DDB1: variants seen among roughly 807,000 people sequenced by gnomAD.
DDB1 encodes DNA damage-binding protein 1.
DDB1 carries 18 observed loss-of-function variants against 133.1 expected under a neutral mutation model. The ratio of observed to expected loss-of-function variants is 0.14; its 90% CI spans 0.09 to 0.20. DDB1 has a LOEUF of 0.20. Ranked by LOEUF, DDB1 falls within the 10% of genes least tolerant of loss-of-function variation. The pLI, the probability that DDB1 is intolerant of heterozygous loss-of-function variation, is 1.00. For synonymous variants in DDB1, 580 were observed against 550.5 expected (o/e 1.05, Z -0.75); for missense variants, 828 against 1,459.2 (o/e 0.57, Z 7.05).
At chr11:61,318,198 AATT>A (rs1856122185) in intron 10 of DDB1, among the ~76,000 whole-genome samples, 1 of 152,328 alleles carries the variant, frequency 6.6e-6, no homozygotes, top group South Asian at 2.1e-4. Context: ...ATTTATCTAT[AATT>A]ATTAAATTAT....
rs746594152 is a variant in DDB1 at position 61,309,785 on chromosome 11, C to T, written c.2566+11G>A. The T allele has an allele frequency of 3.7e-6, 6 of 1,607,188 alleles. No homozygotes were observed. The highest frequency in any genetic ancestry group is 4.5e-5 in the East Asian group (2 of 44,780). ...CACATCCCTCAGAAACTGGAGACTG[C>T]GCCCACTTACCATCCGAATACTGAA... On this transcript the variant is annotated intron_variant, in intron 20 of 26. Transcript: ENST00000301764.
intron 10 of DDB1, among the ~76,000 whole-genome samples, chr11:61,318,738 T>C (rs1368512752): frequency 6.6e-6 from 1 of 152,238 alleles, no homozygotes; most frequent in Non-Finnish European, 1.5e-5. Flanking sequence ...TTTATCAATC[T>C]TTCTTTTTGG....
intron 20 of DDB1, 35 bp downstream of exon 20, chr11:61,309,761 A>G (rs764196921): frequency 2.9e-5 from 47 of 1,597,334 alleles, no homozygotes; most frequent in African/African-American, 2.2e-4. Flanking sequence ...TCAGCATTTC[A>G]CATCCCTCAG....
At chr11:61,328,771 T>C (rs1223122318) in intron 4 of DDB1, among the ~76,000 whole-genome samples, 1 of 152,066 alleles carries the variant, frequency 6.6e-6, no homozygotes, top group Non-Finnish European at 1.5e-5. Flanking sequence ...CTCAGGAGGC[T>C]GAGGCAGGAG....
chr11:61,328,648 G>A (rs573191438), intron 4 of DDB1, among the ~76,000 whole-genome samples: 8 of 152,224 alleles, frequency 5.3e-5, no homozygotes, highest in Non-Finnish European at 7.4e-5. Flanking sequence ...CGAGGCAGGC[G>A]GATCATGAGG....
At chr11:61,301,823 T>C (rs974316925) in intron 25 of DDB1, 4 of 163,324 alleles carry the variant, frequency 2.4e-5, no homozygotes, top group Admixed American at 1.2e-4. Context: ...ATTCTGGGGG[T>C]CCCAGGGTGG....
chr11:61,318,399 G>A (rs1411498402), intron 10 of DDB1, among the ~76,000 whole-genome samples: 1 of 152,110 alleles, frequency 6.6e-6, no homozygotes, highest in Non-Finnish European at 1.5e-5. Context: ...CTTCTATAGA[G>A]GATGCACAAG....
At position 61,333,088 on chromosome 11, in the gene DDB1, A is replaced by G; in HGVS notation, c.-120T>C. 1.0e-6 allele frequency: 1 copy of G among 968,420 alleles called. No homozygotes were observed. Among genetic ancestry groups the G allele is most frequent in the Non-Finnish European group, 1.4e-6 (1 of 695,224 alleles). The allele number at this position is 968,420 out of a possible 1,614,324, so 60.0% of individuals were successfully genotyped here. A position where few individuals can be genotyped will look rare whatever the true frequency, so the allele number is the denominator to read the frequency against. On this transcript the variant is annotated 5_prime_UTR_variant, in exon 1 of 27. Coordinates refer to ENST00000301764, the MANE Select transcript of DDB1 (RefSeq NM_001923.5). ...ACTCCACTGCCGCTGCCTCCGCCCC[A>G]GAGACACGTTGCAGGCCAGAGCGGC...
Position 61,329,617 on chromosome 11 carries a change from TCAACATC to T in DDB1, c.328-40_328-34del, listed in dbSNP as rs1343997803. ...ACAAAATCGGGATTAGGGAAGAACCTCAACATCCACAGAGCAACAGAGGACGCTGGGC... is the reference window on the plus strand; with the variant it reads ...ACAAAATCGGGATTAGGGAAGAACCTCACAGAGCAACAGAGGACGCTGGGC... On this transcript the variant is annotated intron_variant, in intron 3 of 26. Coordinates refer to ENST00000301764, the MANE Select transcript of DDB1 (RefSeq NM_001923.5). 2.6e-6 allele frequency: 4 copies of T among 1,568,096 alleles called. No homozygotes were observed. The East Asian group carries it at 7.0e-5, about 28-fold the overall frequency.
chr11:61,325,237 T>C (rs1400818690), intron 6 of DDB1, among the ~76,000 whole-genome samples: 3 of 151,794 alleles, frequency 2.0e-5, no homozygotes, highest in African/African-American at 7.3e-5. Context: ...ACTTGGGAGG[T>C]TGAGACAGGA....
chr11:61,319,877 T>C (rs1381449314), intron 10 of DDB1, among the ~76,000 whole-genome samples: 1 of 152,274 alleles, frequency 6.6e-6, no homozygotes, highest in Admixed American at 6.5e-5. Context: ...TTTGCAGTAC[T>C]TGGTGTGTCT....
intron 21 of DDB1, 102 bp from the exon 22 acceptor site, chr11:61,304,137 T>A: frequency 1.5e-6 from 2 of 1,333,002 alleles, no homozygotes; most frequent in Non-Finnish European, 2.1e-6. Flanking sequence ...CTTCTCAAAG[T>A]GCAATGCGGG....
At chr11:61,325,504 G>A (rs1856254336) in intron 6 of DDB1, 107 bp downstream of exon 6, 2 of 875,140 alleles carry the variant, frequency 2.3e-6, no homozygotes, top group Admixed American at 4.8e-5. Flanking sequence ...AGTAAATTGT[G>A]TAACAGGCAT....
Position 61,302,384 on chromosome 11 carries a change from G to A in DDB1, c.3113-25C>T, listed in dbSNP as rs763013579. 1.6e-5 allele frequency: 26 copies of A among 1,609,168 alleles called. No homozygotes were observed. In the South Asian group the frequency reaches 2.6e-4, roughly 16 times the overall value. ...CCTGAAGAAGTGAAGGAGGCAGTGA[G>A]CTGCAGAGAGCTCAACCCCACAGCA... On this transcript the variant is annotated intron_variant, in intron 24 of 26. Coordinates refer to ENST00000301764, the MANE Select transcript of DDB1 (RefSeq NM_001923.5).
At chr11:61,316,919 CA>C (rs58795761) in intron 10 of DDB1, among the ~76,000 whole-genome samples, 1,107 of 21,664 alleles carry the variant, frequency 0.051, 95 homozygotes, top group African/African-American at 0.13. Context: ...GATCCTGTCT[CA>C]AAAAAAAAAA....
At chr11:61,304,466 C>CA (rs1379130515) in intron 21 of DDB1, among the ~76,000 whole-genome samples, 1 of 149,278 alleles carries the variant, frequency 6.7e-6, no homozygotes, top group Non-Finnish European at 1.5e-5. Context: ...GACTCTGTCT[C>CA]AAAAAAAAGA....
Position 61,300,206 on chromosome 11 carries a change from C to T in DDB1, c.3353G>A (p.Ser1118Asn). Residue 1118 changes from serine to asparagine, a missense_variant, in exon 27 of 27, where the codon AGC becomes AAC. This residue lies in a region of DDB1 where 116 missense variants were observed against 221.6 expected (regional missense o/e 0.52). Transcript: ENST00000301764. Reference sequence around the variant, plus strand: ...TGCAGTGGCCTCTCGCTTCATACCGCTGCCATCGTCATACTGCAATGAGAA... The same window carrying T: ...TGCAGTGGCCTCTCGCTTCATACCGTTGCCATCGTCATACTGCAATGAGAA... ...VVANLQYDDG[S>N]GMKREATADD... 1 of 1,614,160 alleles carries T rather than the reference C, an allele frequency of 6.2e-7. No individual in the cohort carries two copies. Among genetic ancestry groups the T allele is most frequent in the East Asian group, 2.2e-5 (1 of 44,868 alleles).
intron 12 of DDB1, chr11:61,316,079 C>A: frequency 2.0e-6 from 1 of 492,978 alleles, no homozygotes; most frequent in Non-Finnish European, 3.6e-6. Context: ...CAGACATTTG[C>A]AGAAGAAAAA....
intron 15 of DDB1, 31 bp downstream of exon 15, chr11:61,313,831 A>C (rs1590687859): frequency 1.2e-6 from 2 of 1,609,274 alleles, no homozygotes; most frequent in East Asian, 4.5e-5. Context: ...CTATTTTTGA[A>C]AGAGTCCCTC....
Sources: gnomAD v4.1 joint callset for allele counts (sites outside exome capture counted in the v4.1 genomes callset) on GRCh38, gnomAD v4.1.1 for gene constraint, gnomAD v4.1.1 regional missense constraint, MANE v1.5 for transcripts, NCBI Gene and HGNC (gene_info 2026-07-23, HGNC 2026-07-21) for gene names.